Variants in USO1 observed in about 807,000 individuals in gnomAD.
The protein encoded by USO1 is general vesicular transport factor p115.
Under a neutral mutation model 124.5 loss-of-function variants are expected in USO1, and 57 were observed. The ratio of observed to expected loss-of-function variants is 0.46; its 90% CI spans 0.37 to 0.57. The LOEUF (loss-of-function observed/expected upper bound fraction) is 0.57, where lower values mean the gene tolerates loss of function less well. Ranked by LOEUF, USO1 falls within the 20% of genes least tolerant of loss-of-function variation. The probability of loss-of-function intolerance (pLI) is 0.00; values close to 1 mark genes in which losing one functional copy is unlikely to be tolerated. For missense variants in USO1, 900 were observed against 1,040.6 expected, an observed-to-expected ratio of 0.86 and a Z score of 1.86; for synonymous variants, 369 against 362.8, an observed-to-expected ratio of 1.02 and a Z score of -0.19.
At chr4:75,752,806 G>A (rs1040883921) in intron 3 of USO1, among the ~76,000 whole-genome samples, 8 of 152,240 alleles carry the variant, frequency 5.3e-5, no homozygotes, top group Middle Eastern at 3.4e-3. Flanking sequence ...GATTGCAGGT[G>A]TGAGCCACTG....
At chr4:75,773,287 G>T (rs1367424221) in intron 7 of USO1, among the ~76,000 whole-genome samples, 2 of 151,870 alleles carry the variant, frequency 1.3e-5, no homozygotes, top group Non-Finnish European at 2.9e-5. Flanking sequence ...GTAATGTCTG[G>T]ATTATTGGTT....
At chr4:75,778,353 A>C (rs545893002) in intron 8 of USO1, among the ~76,000 whole-genome samples, 10 of 152,160 alleles carry the variant, frequency 6.6e-5, no homozygotes, top group Non-Finnish European at 1.2e-4. Flanking sequence ...GAGAAAATAT[A>C]TTTACTGTTC....
At chr4:75,727,527 AC>A (rs1720499943) in intron 1 of USO1, among the ~76,000 whole-genome samples, 2 of 152,160 alleles carry the variant, frequency 1.3e-5, no homozygotes, top group African/African-American at 4.8e-5. Context: ...ATTTCGTTCC[AC>A]CAGGAAGTAC....
At chr4:75,731,825 T>C (rs1303417202) in intron 1 of USO1, among the ~76,000 whole-genome samples, 1 of 152,198 alleles carries the variant, frequency 6.6e-6, no homozygotes, top group African/African-American at 2.4e-5. Context: ...TTCTTTATTT[T>C]TTCCTGTCAG....
chr4:75,740,064 T>C (rs1169688170), intron 1 of USO1, among the ~76,000 whole-genome samples: 1 of 152,152 alleles, frequency 6.6e-6, no homozygotes, highest in Non-Finnish European at 1.5e-5. Flanking sequence ...CCACATGCAG[T>C]AGCTCACACA....
intron 1 of USO1, among the ~76,000 whole-genome samples, chr4:75,749,111 G>A (rs932980036): frequency 4.6e-5 from 7 of 152,056 alleles, no homozygotes; most frequent in African/African-American, 1.7e-4. Context: ...TGGTTATCCT[G>A]CTATATCTGC....
intron 21 of USO1, among the ~76,000 whole-genome samples, chr4:75,809,286 C>T (rs929019801): frequency 1.5e-5 from 2 of 134,390 alleles, no homozygotes; most frequent in African/African-American, 5.1e-5. Context: ...GTATTACATT[C>T]TATTTCTGTC....
intron 3 of USO1, 36 bp from the exon 4 acceptor site, chr4:75,757,461 C>T: frequency 7.0e-7 from 1 of 1,429,470 alleles, no homozygotes; most frequent in East Asian, 2.9e-5. Flanking sequence ...ATACTCTCAT[C>T]AGCAGTGTAT....
intron 4 of USO1, among the ~76,000 whole-genome samples, chr4:75,758,119 A>AAT (rs1445137589): frequency 1.3e-5 from 2 of 152,098 alleles, no homozygotes; most frequent in Non-Finnish European, 2.9e-5. Flanking sequence ...TTTGTTTTAA[A>AAT]ATATTTGCAC....
At chr4:75,800,939 A>G in intron 16 of USO1, 140 bp downstream of exon 16, 2 of 1,412,682 alleles carry the variant, frequency 1.4e-6, no homozygotes, top group East Asian at 2.5e-5. Flanking sequence ...AGCCCATTGA[A>G]GGACATTTGG....
rs184308285 is a variant in USO1 at position 75,745,212 on chromosome 4, T to A, written c.67-7161T>A. ...TATTAATCCTTGGAATCTTTCTTTT[T>A]TATATATATATATAGTACTGATATT... is the stretch of plus-strand genomic sequence containing the variant. On this transcript the variant is annotated intron_variant, in intron 1 of 23. Coordinates refer to ENST00000514213, the MANE Select transcript of USO1 (RefSeq NM_003715.4). 233 of 295,402 alleles carry A rather than the reference T, an allele frequency of 7.9e-4. 2 individuals are homozygous for A. The highest frequency in any genetic ancestry group is 4.3e-3 in the East Asian group (44 of 10,284). 18.3% of individuals were successfully genotyped at this position (295,402 alleles called of 1,614,324 possible).
intron 8 of USO1, among the ~76,000 whole-genome samples, chr4:75,781,760 TAA>T (rs11361627): frequency 4.0e-5 from 6 of 151,332 alleles, no homozygotes; most frequent in East Asian, 3.9e-4. Flanking sequence ...GATGTCTTTT[TAA>T]AAAAAAAATA....
Position 75,768,507 on chromosome 4 carries a change from C to G in USO1, c.296-1932C>G, listed in dbSNP as rs531913163. ...ACCTTTTATCCTGCAACTTTCTAAGCTTACTTATTAGTTCTATTAGCTCTT... is the reference window on the plus strand; with the variant it reads ...ACCTTTTATCCTGCAACTTTCTAAGGTTACTTATTAGTTCTATTAGCTCTT... On this transcript the variant is annotated intron_variant, in intron 4 of 23. Coordinates refer to ENST00000514213, the MANE Select transcript of USO1 (RefSeq NM_003715.4). 5.9e-5 allele frequency among the ~76,000 whole-genome samples: 9 copies of G among 152,342 alleles called. No homozygotes were observed. In the South Asian group the frequency reaches 1.9e-3, roughly 32 times the overall value.
intron 1 of USO1, among the ~76,000 whole-genome samples, chr4:75,725,256 G>A (rs1465294637): frequency 1.3e-5 from 2 of 152,128 alleles, no homozygotes; most frequent in Non-Finnish European, 2.9e-5. Context: ...TTTCTCTTTC[G>A]CTCGTCTGCA....
rs1446719102 is a variant in USO1, at chr4:75,801,298, T to C, written c.1986+98T>C. ...CTGACATTTCAAATGAAAGAGGATA[T>C]AGAAAGCAAAACCCATCATTTTTCA... On this transcript the variant is annotated intron_variant, in intron 17 of 23. Transcript: ENST00000514213. The C allele has an allele frequency of 3.7e-6, 5 of 1,369,410 alleles. No homozygotes were observed. In the African/African-American group the frequency reaches 4.4e-5, roughly 12 times the overall value. 84.8% of individuals were successfully genotyped at this position (1,369,410 alleles called of 1,614,324 possible). A position where few individuals can be genotyped will look rare whatever the true frequency, so the allele number is the denominator to read the frequency against.
chr4:75,769,282 T>C (rs1314811515), intron 4 of USO1, among the ~76,000 whole-genome samples: 3 of 152,218 alleles, frequency 2.0e-5, no homozygotes, highest in Non-Finnish European at 4.4e-5. Flanking sequence ...CAGTGAATTC[T>C]TTTACTGATA....
chr4:75,759,246 CTTTTT>C (rs71208100), intron 4 of USO1, among the ~76,000 whole-genome samples: 5 of 69,126 alleles, frequency 7.2e-5, no homozygotes, highest in African/African-American at 2.6e-4. Context: ...TATTAAGGAC[CTTTTT>C]TTTTTTTTTT....
chr4:75,800,504 A>G (rs1363803475), intron 15 of USO1, 35 bp downstream of exon 15: 1 of 1,540,020 alleles, frequency 6.5e-7, no homozygotes, highest in Non-Finnish European at 8.7e-7. Flanking sequence ...TAATGGCATC[A>G]AGAGATAATG....
rs199784608 is a variant in USO1, at chr4:75,762,743, AT to A, written c.295+5171del. Among the ~76,000 whole-genome samples, 1,198 of 152,174 alleles carry A rather than the reference AT, an allele frequency of 7.9e-3. 17 individuals are homozygous for A. The highest frequency in any genetic ancestry group is 0.027 in the African/African-American group (1,126 of 41,526). On this transcript the variant is annotated intron_variant, in intron 4 of 23. Transcript: ENST00000514213. Reference sequence around the variant, plus strand: ...GGAGATCAAGACCATCCTGGCTAACATGGTGAAACCCCATCTCTACTAAAAA... The same window carrying A: ...GGAGATCAAGACCATCCTGGCTAACAGGTGAAACCCCATCTCTACTAAAAA...
Sources: gnomAD v4.1 joint callset for allele counts (sites outside exome capture counted in the v4.1 genomes callset) on GRCh38, gnomAD v4.1.1 for gene constraint, MANE v1.5 for transcripts, NCBI Gene and HGNC (gene_info 2026-07-23, HGNC 2026-07-21) for gene names.